The following HDLBP variants were observed in gnomAD, a reference collection of about 807,000 sequenced individuals.
HDLBP encodes high density lipoprotein binding protein.
HDLBP carries 30 observed loss-of-function variants against 137.3 expected under a neutral mutation model. That is an observed-to-expected ratio of 0.22 (90% CI 0.16 to 0.30). The LOEUF (loss-of-function observed/expected upper bound fraction) is 0.30, where lower values mean the gene tolerates loss of function less well. Among genes scored for constraint, HDLBP ranks in the 10% least tolerant of loss-of-function variants. The probability of loss-of-function intolerance (pLI) is 1.00; values close to 1 mark genes in which losing one functional copy is unlikely to be tolerated. For missense variants in HDLBP, 1,119 were observed against 1,667.3 expected (o/e 0.67, Z 5.73); for synonymous variants, 606 against 596.0 (o/e 1.02, Z -0.24).
intron 1 of HDLBP, among the ~76,000 whole-genome samples, chr2:241,275,400 G>A (rs754443439): frequency 5.3e-5 from 8 of 152,066 alleles, no homozygotes; most frequent in Non-Finnish European, 1.2e-4. Context: ...AAAAAATCGA[G>A]AGATGGAACG....
chr2:241,249,569 C>T (rs1218859268), intron 12 of HDLBP, among the ~76,000 whole-genome samples: 5 of 152,248 alleles, frequency 3.3e-5, no homozygotes, highest in African/African-American at 1.2e-4. Flanking sequence ...ACCCAGGCAT[C>T]TGGGCACCCA....
intron 1 of HDLBP, among the ~76,000 whole-genome samples, chr2:241,314,500 G>A (rs1361550206): frequency 1.3e-5 from 2 of 152,178 alleles, no homozygotes; most frequent in Admixed American, 6.5e-5. Context: ...AGGTAGCTAT[G>A]AATCTGAGGA....
chr2:241,262,456 T>A lies in HDLBP; in HGVS notation c.450+255A>T, dbSNP rs989758974. Among the ~76,000 whole-genome samples the A allele has an allele frequency of 6.9e-4, 105 of 151,238 alleles. 2 individuals are homozygous for A. In the East Asian group the frequency reaches 0.018, roughly 26 times the overall value. ...GACAACAAGGTGAGACTCTGTCTCT[T>A]AAAAAAAAAATTATTATTACTTTCA... On this transcript the variant is annotated intron_variant, in intron 5 of 27. Coordinates refer to ENST00000310931, the MANE Select transcript of HDLBP (RefSeq NM_005336.6).
Position 241,272,920 on chromosome 2 carries a change from G to A in HDLBP, c.-102-4379C>T. 2 of 720,328 alleles carry A rather than the reference G, an allele frequency of 2.8e-6. No individual in the cohort carries two copies. The highest frequency in any genetic ancestry group is 3.4e-6 in the Non-Finnish European group (2 of 587,958). The allele number at this position is 720,328 out of a possible 1,614,324, so 44.6% of individuals were successfully genotyped here. A position where few individuals can be genotyped will look rare whatever the true frequency, so the allele number is the denominator to read the frequency against. Reference sequence around the variant, plus strand: ...CAGCGCCCGCCCGCCCCGCCGCTGGGGTCCCCGCCGCCCCGGGCCGCCCAG... The same window carrying A: ...CAGCGCCCGCCCGCCCCGCCGCTGGAGTCCCCGCCGCCCCGGGCCGCCCAG... On this transcript the variant is annotated intron_variant, in intron 1 of 27. Transcript: ENST00000310931. This position sits in a 1 kb window ranked among gnomAD's most constrained non-coding sequence, Gnocchi z 5.6.
intron 20 of HDLBP, 91 bp from the exon 21 acceptor site, chr2:241,236,860 G>A: frequency 1.5e-6 from 2 of 1,365,932 alleles, no homozygotes; most frequent in Non-Finnish European, 2.0e-6. Context: ...GGCACCTGCT[G>A]GGTGCTGGGT....
intron 7 of HDLBP, 52 bp downstream of exon 7, chr2:241,256,132 A>G: frequency 6.1e-5 from 86 of 1,406,876 alleles, no homozygotes; most frequent in Non-Finnish European, 8.3e-5. Context: ...CCAGACCCAA[A>G]TCCTCATTTC....
intron 1 of HDLBP, among the ~76,000 whole-genome samples, chr2:241,281,154 G>A (rs540354511): frequency 2.0e-5 from 3 of 152,284 alleles, no homozygotes; most frequent in East Asian, 1.9e-4. Flanking sequence ...TCGAGAGATC[G>A]AGATCAGCCT....
rs2071021077 is a variant in HDLBP, at chr2:241,239,785, G to A, written c.2427C>T (p.Pro809=). The change falls in exon 19 of 28, where the codon CCC becomes CCT. Residue 809 remains proline, a synonymous_variant. Coordinates refer to ENST00000310931, the MANE Select transcript of HDLBP (RefSeq NM_005336.6). This position sits in a 1 kb window ranked among gnomAD's most constrained non-coding sequence, Gnocchi z 4.6. ...NVVEDSMLVD[P]KHHRHFVIRR... ...GGATGACGAAGTGGCGGTGGTGCTT[G>A]GGGTCCACCAGCATGGAGTCTTCCA... 6.2e-7 allele frequency: 1 copy of A among 1,613,994 alleles called. No individual in the cohort carries two copies.
At position 241,272,318 on chromosome 2, in the gene HDLBP, C is replaced by T. The variant is rs1022384630; in HGVS notation, c.-102-3777G>A. The T allele has an allele frequency of 3.1e-6, 3 of 980,762 alleles. No individual in the cohort carries two copies. The African/African-American group carries it at 5.3e-5, about 17-fold the overall frequency. 60.8% of individuals were successfully genotyped at this position (980,762 alleles called of 1,614,324 possible). A position where few individuals can be genotyped will look rare whatever the true frequency, so the allele number is the denominator to read the frequency against. Reference sequence around the variant, plus strand: ...CCCTGGCCGCACACGGCGCCCCCGCCGGAGCGGGGGAGGGGAGGGCCGGCC... The same window carrying T: ...CCCTGGCCGCACACGGCGCCCCCGCTGGAGCGGGGGAGGGGAGGGCCGGCC... On this transcript the variant is annotated intron_variant, in intron 1 of 27. Coordinates refer to ENST00000310931, the MANE Select transcript of HDLBP (RefSeq NM_005336.6). This position sits in a 1 kb window ranked among gnomAD's most constrained non-coding sequence, Gnocchi z 5.6.
At chr2:241,290,613 AG>A (rs1175683365) in intron 1 of HDLBP, among the ~76,000 whole-genome samples, 5 of 115,146 alleles carry the variant, frequency 4.3e-5, no homozygotes, top group Non-Finnish European at 6.6e-5. Context: ...TCTGTCTCAA[AG>A]GAAAAAAAAA....
intron 1 of HDLBP, among the ~76,000 whole-genome samples, chr2:241,275,608 A>T: frequency 6.6e-6 from 1 of 152,212 alleles, no homozygotes; most frequent in East Asian, 1.9e-4. Flanking sequence ...CTAGCAGGAT[A>T]ATTTAAACTA....
Position 241,240,119 on chromosome 2 carries a change from T to C in HDLBP, c.2173A>G (p.Thr725Ala). ...QLLHLAEEKQ[T>A]KSFTVDIRAK... ...CGGATGTCAACAGTGAAACTCTTGG[T>C]TTGCTGCAGAAACCAATCCCACTGT... Residue 725 changes from threonine (T) to alanine (A), a missense_variant, in exon 18 of 28, where the codon ACC (threonine) becomes GCC (alanine). By Grantham distance (58) the Thr-to-Ala change is moderately conservative (BLOSUM62 0). This residue lies in a region of HDLBP where 618 missense variants were observed against 816.7 expected (regional missense o/e 0.76). Coordinates refer to ENST00000310931, the MANE Select transcript of HDLBP (RefSeq NM_005336.6). The surrounding 1 kb of genome is among the most constrained non-coding windows in gnomAD (Gnocchi z 5.5). 1 of 1,614,102 alleles carries C rather than the reference T, an allele frequency of 6.2e-7. No homozygotes were observed. The highest frequency in any genetic ancestry group is 8.5e-7 in the Non-Finnish European group (1 of 1,180,014).
chr2:241,284,539 T>C (rs1354316522), intron 1 of HDLBP, among the ~76,000 whole-genome samples: 1 of 152,242 alleles, frequency 6.6e-6, no homozygotes, highest in Non-Finnish European at 1.5e-5. Flanking sequence ...GTGAACATTG[T>C]TGAAATGACA....
At chr2:241,314,205 T>A (rs1003412140) in intron 1 of HDLBP, among the ~76,000 whole-genome samples, 1 of 152,176 alleles carries the variant, frequency 6.6e-6, no homozygotes, top group African/African-American at 2.4e-5. Flanking sequence ...CCTAATATCA[T>A]GTGTACTTAA....
chr2:241,239,973 C>G lies in HDLBP; in HGVS notation c.2319G>C (p.Leu773=). The G allele has an allele frequency of 6.2e-7, 1 of 1,614,228 alleles. No individual in the cohort carries two copies. Among genetic ancestry groups the G allele is most frequent in the Middle Eastern group, 1.6e-4 (1 of 6,062 alleles). Residue 773 remains leucine (L), a synonymous_variant, in exon 18 of 28, where the codon CTG becomes CTC. Transcript: ENST00000310931. This position sits in a 1 kb window ranked among gnomAD's most constrained non-coding sequence, Gnocchi z 4.6. The part of the protein sequence containing the change: ...FPAAEDKDQD[L]ITIIGKEDAV... ...CGTCCTCCTTTCCAATGATGGTGATCAGGTCCTGGTCCTTGTCCTCAGCCG... is the reference window on the plus strand; with the variant it reads ...CGTCCTCCTTTCCAATGATGGTGATGAGGTCCTGGTCCTTGTCCTCAGCCG...
At chr2:241,234,015 T>C in intron 23 of HDLBP, 52 bp from the exon 24 acceptor site, 1 of 1,602,626 alleles carries the variant, frequency 6.2e-7, no homozygotes, top group Middle Eastern at 1.7e-4. Flanking sequence ...ATCCACCCTG[T>C]GACTCCATTC....
intron 5 of HDLBP, 87 bp downstream of exon 5, chr2:241,262,624 G>A: frequency 1.0e-6 from 1 of 974,920 alleles, no homozygotes; most frequent in African/African-American, 1.6e-5. Context: ...GGTAGGAAGG[G>A]TCCAGTGACG....
At chr2:241,296,082 C>G (rs2075169656) in intron 1 of HDLBP, among the ~76,000 whole-genome samples, 1 of 141,752 alleles carries the variant, frequency 7.1e-6, no homozygotes, top group Non-Finnish European at 1.5e-5. Context: ...AAACATAAAA[C>G]CAGGCTAGAA....
chr2:241,249,288 C>CA, intron 12 of HDLBP: 1 of 470,568 alleles, frequency 2.1e-6, no homozygotes, highest in Non-Finnish European at 4.4e-6. Context: ...TGCAGGCACT[C>CA]ACGCAGTATT....
Sources: allele counts gnomAD v4.1 joint callset (sites outside exome capture counted in the v4.1 genomes callset), GRCh38; gene constraint gnomAD v4.1.1; regional missense constraint gnomAD v4.1.1; non-coding constraint Gnocchi (gnomAD v3.1); transcripts MANE v1.5; gene names NCBI Gene and HGNC (gene_info 2026-07-23, HGNC 2026-07-21).